Variants in GARIN1B observed in about 807,000 individuals in gnomAD.
GARIN1B encodes the protein golgi associated RAB2 interactor 1B, also known as Golgi-associated RAB2 interactor protein 1B.
chr7:128,713,997 C>G, the GARIN1B span: 4 of 1,530,390 alleles, frequency 2.6e-6, no homozygotes, highest in South Asian at 2.4e-5. Context: ...CATGAAGACA[C>G]TTTTCCTACC....
At chr7:128,712,987 T>C in the GARIN1B span, among the ~76,000 whole-genome samples, 1 of 152,196 alleles carries the variant, frequency 6.6e-6, no homozygotes, top group African/African-American at 2.4e-5. Flanking sequence ...TGTGCCCAAC[T>C]AATGATCAAG....
At chr7:128,711,189 G>A in the GARIN1B span, among the ~76,000 whole-genome samples, 114 of 152,004 alleles carry the variant, frequency 7.5e-4, 4 homozygotes, top group African/African-American at 2.6e-3. Flanking sequence ...AGCATCTTAC[G>A]GAGATCTCGT....
chr7:128,717,934 T>G, the GARIN1B span, among the ~76,000 whole-genome samples: 1 of 152,042 alleles, frequency 6.6e-6, no homozygotes, highest in African/African-American at 2.4e-5. Flanking sequence ...AAGAAAACCC[T>G]TCATTTCTCC....
chr7:128,723,283 G>T, the GARIN1B span: 34 of 1,613,016 alleles, frequency 2.1e-5, no homozygotes, highest in Non-Finnish European at 1.0e-5. Context: ...CCCTGTCTCA[G>T]ATTTTTGCCG....
chr7:128,719,697 C>CTT, the GARIN1B span, among the ~76,000 whole-genome samples: 2,687 of 98,984 alleles, frequency 0.027, 187 homozygotes, highest in Non-Finnish European at 0.035. Context: ...TTTTGTTTTG[C>CTT]TTTTTTTTTT....
chr7:128,718,818 CTGG>C, the GARIN1B span: 2 of 1,610,864 alleles, frequency 1.2e-6, no homozygotes, highest in South Asian at 2.2e-5. Context: ...TGTGTCTTCC[CTGG>C]TGGCTTCAGG....
chr7:128,710,808 C>T, the GARIN1B span, among the ~76,000 whole-genome samples: 73 of 152,152 alleles, frequency 4.8e-4, no homozygotes, highest in African/African-American at 1.7e-3. Context: ...CATGTGCCAC[C>T]ACGCCCAGCT....
chr7:128,715,280 G>A, the GARIN1B span: 1 of 1,444,108 alleles, frequency 6.9e-7, no homozygotes, highest in Non-Finnish European at 9.0e-7. Context: ...AGGCTCCTTT[G>A]CACTTCCCCT....
the GARIN1B span, among the ~76,000 whole-genome samples, chr7:128,716,029 A>G: frequency 6.6e-6 from 1 of 152,164 alleles, no homozygotes; most frequent in East Asian, 1.9e-4. Context: ...TCTTGAGAAC[A>G]ATAATGCGGA....
At chr7:128,721,158 T>G in the GARIN1B span, among the ~76,000 whole-genome samples, 6 of 152,192 alleles carry the variant, frequency 3.9e-5, no homozygotes, top group African/African-American at 1.4e-4. Context: ...GTAGCTTTTG[T>G]TTTGTTTTTA....
At chr7:128,714,843 A>G in the GARIN1B span, among the ~76,000 whole-genome samples, 1 of 152,078 alleles carries the variant, frequency 6.6e-6, no homozygotes, top group African/African-American at 2.4e-5. Flanking sequence ...TAAGAAACTA[A>G]TTACTTCTCC....
chr7:128,721,692 T>G, the GARIN1B span, among the ~76,000 whole-genome samples: 2 of 152,190 alleles, frequency 1.3e-5, no homozygotes, highest in Non-Finnish European at 1.5e-5. Flanking sequence ...AACATTCAGT[T>G]TTTTGCTGTT....
the GARIN1B span, among the ~76,000 whole-genome samples, chr7:128,728,606 G>A: frequency 6.6e-6 from 1 of 152,186 alleles, no homozygotes; most frequent in Non-Finnish European, 1.5e-5. Context: ...GAAAGTGAAA[G>A]CTTCAATTAA....
chr7:128,724,694 A>C, the GARIN1B span: 3 of 1,285,356 alleles, frequency 2.3e-6, no homozygotes, highest in Non-Finnish European at 3.0e-6. Context: ...TAGAAAGGAG[A>C]GAACAGAAAT....
At chr7:128,715,300 T>TCTGTC in the GARIN1B span, 1 of 1,466,902 alleles carries the variant, frequency 6.8e-7, no homozygotes, top group Non-Finnish European at 8.9e-7. Flanking sequence ...TTCCTGCAGG[T>TCTGTC]CTGTCCTGGT....
At chr7:128,714,256 C>A in the GARIN1B span, 1 of 997,872 alleles carries the variant, frequency 1.0e-6, no homozygotes, top group Non-Finnish European at 1.5e-6. Context: ...TACATTTGAC[C>A]TTGATGGTTA....
the GARIN1B span, chr7:128,729,978 G>A: frequency 6.2e-7 from 1 of 1,614,192 alleles, no homozygotes; most frequent in Non-Finnish European, 8.5e-7. Flanking sequence ...CGTACGGAGA[G>A]TGGGAAAGAG....
chr7:128,716,730 G>T, the GARIN1B span: 1 of 1,145,632 alleles, frequency 8.7e-7, no homozygotes, highest in Non-Finnish European at 1.2e-6. Context: ...AACATTAATA[G>T]TGTCGAGGTT....
At chr7:128,712,624 A>G in the GARIN1B span, among the ~76,000 whole-genome samples, 1 of 152,242 alleles carries the variant, frequency 6.6e-6, no homozygotes, top group Non-Finnish European at 1.5e-5. Context: ...TGCACTGCCA[A>G]AGTGGCTTTA....
Sources: gnomAD v4.1 joint callset for allele counts (sites outside exome capture counted in the v4.1 genomes callset) on GRCh38, gnomAD v4.1.1 for gene constraint, MANE v1.5 for transcripts, NCBI Gene and HGNC (gene_info 2026-07-23, HGNC 2026-07-21) for gene names.